The following FAM133A variants were observed in gnomAD, a reference collection of about 807,000 sequenced individuals.
FAM133A encodes protein FAM133A.
For missense variants in FAM133A, 159 were observed against 164.4 expected (o/e 0.97, Z 0.18); for synonymous variants, 65 against 58.6 (o/e 1.11, Z -0.50).
chrX:93,706,228 T>G (rs759505536), intron 3 of FAM133A, among the ~76,000 whole-genome samples: 13 of 112,381 alleles, frequency 1.2e-4, no homozygotes, highest in African/African-American at 3.5e-4. Flanking sequence ...AATTTAAACA[T>G]TACAGAGTCA....
chrX:93,681,808 AT>A (rs1353620500), intron 2 of FAM133A, among the ~76,000 whole-genome samples: 1 of 112,050 alleles, frequency 8.9e-6, no homozygotes, highest in East Asian at 2.8e-4. Context: ...AAGAATAAGC[AT>A]TTTTTTGTTT....
At chrX:93,684,175 G>A (rs1467387381) in intron 2 of FAM133A, among the ~76,000 whole-genome samples, 1 of 111,695 alleles carries the variant, frequency 9.0e-6, no homozygotes, top group Non-Finnish European at 1.9e-5. Flanking sequence ...GTGTATTGTT[G>A]TATAGGCAGA....
chrX:93,688,374 C>T lies in FAM133A; in HGVS notation c.-192-10023C>T, dbSNP rs778146737. On this transcript the variant is annotated intron_variant, in intron 2 of 3. Coordinates refer to ENST00000683942, the MANE Select transcript of FAM133A (RefSeq NM_001171109.2). Reference sequence around the variant, plus strand: ...GACTTAGCTCTCCTTTCACTGGTCCCCGAATCACTGATTTTCTGTTTCCTC... The same window carrying T: ...GACTTAGCTCTCCTTTCACTGGTCCTCGAATCACTGATTTTCTGTTTCCTC... 2.0e-4 allele frequency among the ~76,000 whole-genome samples: 22 copies of T among 110,866 alleles called. 1 individual carries two copies. Among genetic ancestry groups the T allele is most frequent in the African/African-American group, 6.5e-4 (20 of 30,571 alleles).
At chrX:93,699,610 T>G (rs1926551716) in intron 3 of FAM133A, among the ~76,000 whole-genome samples, 1 of 111,284 alleles carries the variant, frequency 9.0e-6, no homozygotes, top group Non-Finnish European at 1.9e-5. Context: ...TATGAAATTT[T>G]TAAGCACTTG....
At chrX:93,680,533 A>G (rs1291758175) in intron 2 of FAM133A, among the ~76,000 whole-genome samples, 1 of 111,424 alleles carries the variant, frequency 9.0e-6, no homozygotes, top group Non-Finnish European at 1.9e-5. Context: ...ACTGTTTTCC[A>G]TAATGGCTAT....
At chrX:93,685,542 C>T (rs980289334) in intron 2 of FAM133A, among the ~76,000 whole-genome samples, 1 of 111,632 alleles carries the variant, frequency 9.0e-6, no homozygotes, top group Non-Finnish European at 1.9e-5. Flanking sequence ...TTCAGTAAGA[C>T]TTATGCTTAC....
At chrX:93,674,800 T>A (rs1381353218) in intron 2 of FAM133A, 48 bp downstream of exon 2, 2 of 111,473 alleles carry the variant, frequency 1.8e-5, no homozygotes, top group South Asian at 3.7e-4. Flanking sequence ...AAATTACTCA[T>A]CTCCATCTGA....
At chrX:93,700,227 C>T (rs1480744798) in intron 3 of FAM133A, among the ~76,000 whole-genome samples, 2 of 110,568 alleles carry the variant, frequency 1.8e-5, no homozygotes, top group Non-Finnish European at 3.8e-5. Context: ...CTATCCATCC[C>T]CCAACCGCCA....
intron 2 of FAM133A, among the ~76,000 whole-genome samples, chrX:93,681,242 A>G (rs7882264): frequency 0.032 from 3,543 of 110,224 alleles, 128 homozygotes; most frequent in East Asian, 0.094. Context: ...TTATGTGCAT[A>G]TGATATATAT....
chrX:93,683,345 A>G (rs755419889), intron 2 of FAM133A, among the ~76,000 whole-genome samples: 8 of 111,838 alleles, frequency 7.2e-5, no homozygotes, highest in Non-Finnish European at 1.1e-4. Flanking sequence ...AGCTTATTTT[A>G]ATAAACAGTA....
chrX:93,697,785 A>T (rs1926402496), intron 2 of FAM133A, among the ~76,000 whole-genome samples: 1 of 111,727 alleles, frequency 9.0e-6, no homozygotes, highest in Non-Finnish European at 1.9e-5. Context: ...CCTGTTTTTT[A>T]GGAATAGCTG....
In FAM133A at chrX:93,711,032, C is replaced by T. The variant is rs931778681; in HGVS notation, c.*866C>T. 8.1e-6 allele frequency: 1 copy of T among 122,732 alleles called. No individual in the cohort carries two copies. The highest frequency in any genetic ancestry group is 1.9e-5 in the Non-Finnish European group (1 of 53,151). The allele number at this position is 122,732 out of a possible 1,213,427, so 10.1% of individuals were successfully genotyped here. On this transcript the variant is annotated 3_prime_UTR_variant, in exon 4 of 4. Coordinates refer to ENST00000683942, the MANE Select transcript of FAM133A (RefSeq NM_001171109.2). ...TTTTATACTGTTAAGTTTTAATTAT[C>T]TGACCATATTCTATATAACTGATGA...
At chrX:93,675,392 A>T (rs1252151998) in intron 2 of FAM133A, among the ~76,000 whole-genome samples, 1 of 111,874 alleles carries the variant, frequency 8.9e-6, no homozygotes. Flanking sequence ...TTCATGGCAA[A>T]TGATCGACAT....
At chrX:93,696,186 G>A (rs1926253197) in intron 2 of FAM133A, among the ~76,000 whole-genome samples, 1 of 111,344 alleles carries the variant, frequency 9.0e-6, no homozygotes, top group African/African-American at 3.3e-5. Context: ...GGAGTTACCA[G>A]GCAGCTCGAT....
chrX:93,692,777 C>A (rs1434536962), intron 2 of FAM133A, among the ~76,000 whole-genome samples: 3 of 111,370 alleles, frequency 2.7e-5, no homozygotes, highest in Non-Finnish European at 5.7e-5. Flanking sequence ...TCCATAAAAT[C>A]TATGAGGTTA....
chrX:93,679,850 G>A (rs1924990332), intron 2 of FAM133A, among the ~76,000 whole-genome samples: 1 of 93,130 alleles, frequency 1.1e-5, no homozygotes, highest in African/African-American at 4.3e-5. Context: ...TCAGGTTCAA[G>A]TGATTCTCCT....
intron 3 of FAM133A, 139 bp from the exon 4 acceptor site, chrX:93,709,178 T>C (rs1927244474): frequency 6.9e-6 from 2 of 288,019 alleles, no homozygotes; most frequent in South Asian, 4.3e-4. Context: ...AAAATGTGTA[T>C]ATTGTTTGTT....
chrX:93,710,832 A>G lies in FAM133A; in HGVS notation c.*666A>G. ...GAGTTTACAGCATAAGTAAGCCCCC[A>G]TATCTATGAAATTTACCTCTTCTTC... On this transcript the variant is annotated 3_prime_UTR_variant, in exon 4 of 4. Transcript: ENST00000683942. The G allele has an allele frequency of 8.1e-6, 1 of 123,018 alleles. No homozygotes were observed. Among genetic ancestry groups the G allele is most frequent in the Non-Finnish European group, 1.9e-5 (1 of 53,213 alleles). The allele number at this position is 123,018 out of a possible 1,213,427, so 10.1% of individuals were successfully genotyped here.
At chrX:93,700,550 A>T (rs981381401) in intron 3 of FAM133A, among the ~76,000 whole-genome samples, 1 of 111,653 alleles carries the variant, frequency 9.0e-6, no homozygotes, top group East Asian at 2.8e-4. Context: ...CATGCCAGTT[A>T]TGGAAATATA....
Sources: allele counts gnomAD v4.1 joint callset (sites outside exome capture counted in the v4.1 genomes callset), GRCh38; gene constraint gnomAD v4.1.1; transcripts MANE v1.5; gene names NCBI Gene and HGNC (gene_info 2026-07-23, HGNC 2026-07-21).